Variants in RIOK3 observed in about 807,000 individuals in gnomAD.
The protein encoded by RIOK3 is serine/threonine-protein kinase RIO3.
Under a neutral mutation model 63.5 loss-of-function variants are expected in RIOK3, and 40 were observed. That is an observed-to-expected ratio of 0.63 (90% CI 0.49 to 0.82). The LOEUF (loss-of-function observed/expected upper bound fraction) is 0.82, where lower values mean the gene tolerates loss of function less well. Among genes scored for constraint, RIOK3 ranks in the 40% least tolerant of loss-of-function variants. RIOK3 has a pLI of 0.00. For missense variants in RIOK3, 557 were observed against 637.0 expected (o/e 0.87, Z 1.35); for synonymous variants, 193 against 205.0 (o/e 0.94, Z 0.50).
intron 1 of RIOK3, among the ~76,000 whole-genome samples, chr18:23,462,228 C>T (rs1437429502): frequency 6.9e-6 from 1 of 144,332 alleles, no homozygotes; most frequent in Non-Finnish European, 1.5e-5. Context: ...CAACCCTAAC[C>T]TCCCAGGTTC....
At chr18:23,472,345 CT>C (rs2057462098) in intron 7 of RIOK3, among the ~76,000 whole-genome samples, 1 of 152,110 alleles carries the variant, frequency 6.6e-6, no homozygotes, top group African/African-American at 2.4e-5. Flanking sequence ...AGGTGAAGGA[CT>C]TTAACCTTTT....
chr18:23,465,558 G>T (rs2057401143), intron 5 of RIOK3, among the ~76,000 whole-genome samples: 1 of 152,160 alleles, frequency 6.6e-6, no homozygotes, highest in East Asian at 1.9e-4. Context: ...CTGTGGTAAT[G>T]GAAATGTTCT....
intron 6 of RIOK3, 66 bp downstream of exon 6, chr18:23,466,342 A>G (rs2057407806): frequency 7.9e-7 from 1 of 1,268,112 alleles, no homozygotes; most frequent in South Asian, 1.6e-5. Context: ...AACTTTGGGT[A>G]AAGAAAAAAA....
At chr18:23,477,355 T>C in intron 11 of RIOK3, 87 bp downstream of exon 11, 2 of 1,011,714 alleles carry the variant, frequency 2.0e-6, no homozygotes, top group East Asian at 2.4e-5. Flanking sequence ...AAGAGGACCA[T>C]ATTCTTAGAA....
intron 9 of RIOK3, among the ~76,000 whole-genome samples, chr18:23,475,746 A>G (rs566745565): frequency 7.2e-5 from 11 of 152,318 alleles, no homozygotes; most frequent in Admixed American, 2.0e-4. Context: ...TTGTTTTTCT[A>G]TCAATATGTG....
At chr18:23,472,447 T>C (rs1230103419) in intron 7 of RIOK3, among the ~76,000 whole-genome samples, 1 of 152,166 alleles carries the variant, frequency 6.6e-6, no homozygotes, top group African/African-American at 2.4e-5. Context: ...AGTTCCTTTC[T>C]TTCCCAGATT....
rs1466149539 is a variant in RIOK3 at position 23,453,446 on chromosome 18, C to G, written c.7C>G (p.Leu3Val). The change falls in exon 1 of 13, where the codon CTG becomes GTG. Residue 3 changes from leucine to valine, a missense_variant. Physicochemically the swap from Leu to Val is conservative, Grantham distance 32. Around this residue, in one of 3 missense-constraint regions of RIOK3, gnomAD observed 243 missense variants for 275.4 expected, o/e 0.88. Transcript: ENST00000339486. Reference protein sequence around the residue: MDLVGVASPEPGT... With the variant: MDVVGVASPEPGT... Reference sequence around the variant, plus strand: ...TCTCTGCCTTCATTCCCGAATGGATCTGGTAGGAGTGGCATCGCCTGAGCC... The same window carrying G: ...TCTCTGCCTTCATTCCCGAATGGATGTGGTAGGAGTGGCATCGCCTGAGCC... 6.2e-7 allele frequency: 1 copy of G among 1,613,554 alleles called. No individual in the cohort carries two copies. The highest frequency in any genetic ancestry group is 8.5e-7 in the Non-Finnish European group (1 of 1,179,630).
In RIOK3 at chr18:23,456,792, A is replaced by G. The variant is rs180971110; in HGVS notation, c.63+3290A>G. On this transcript the variant is annotated intron_variant, in intron 1 of 12. Transcript: ENST00000339486. ...TATTAGAAGATATCTGGATTCTTCT[A>G]TCTTCTTTTTTTCATTCAACCTGTT... Among the ~76,000 whole-genome samples the G allele has an allele frequency of 2.0e-3, 301 of 152,350 alleles. 2 individuals are homozygous for G. Among genetic ancestry groups the G allele is most frequent in the Non-Finnish European group, 3.5e-3 (240 of 68,026 alleles).
rs1377842465 is a variant in RIOK3 at position 23,463,968 on chromosome 18, G to T, written c.181G>T (p.Val61Phe). 1 of 1,601,100 alleles carries T rather than the reference G, an allele frequency of 6.2e-7. No homozygotes were observed. The highest frequency in any genetic ancestry group is 1.3e-5 in the African/African-American group (1 of 74,284). Residue 61 changes from valine (V) to phenylalanine (F), a missense_variant and splice_region_variant, in exon 3 of 13, where the codon GTT (valine) becomes TTT (phenylalanine). By Grantham distance (50) the Val-to-Phe change is conservative. This residue lies in a region of RIOK3 where 243 missense variants were observed against 275.4 expected (regional missense o/e 0.88). Transcript: ENST00000339486. ...TTTATATTGCCTTATTTTGAATAGT[G>T]TTGCTGAAGGACCATTTATTACTGG... ...EEAAVFPEVA[V>F]AEGPFITGEN... is the part of the protein sequence containing the mutation.
chr18:23,464,310 C>A lies in RIOK3; in HGVS notation c.430C>A (p.Pro144Thr). The change falls in exon 4 of 13, where the codon CCA becomes ACA. Residue 144 changes from proline to threonine, a missense_variant. Physicochemically the swap from Pro to Thr is conservative, Grantham distance 38. This residue lies in a region of RIOK3 where 243 missense variants were observed against 275.4 expected (regional missense o/e 0.88). Coordinates refer to ENST00000339486, the MANE Select transcript of RIOK3 (RefSeq NM_003831.5). Reference protein sequence around the residue: ...WQDTRDDPYRPAKPVPTPKKG... With the variant: ...WQDTRDDPYRTAKPVPTPKKG... ...GGATACTCGTGATGATCCCTACAGA[C>A]CAGGTACCAAAGTTTTTACTTTCTG... The A allele has an allele frequency of 2.5e-6, 4 of 1,608,828 alleles. No homozygotes were observed. Among genetic ancestry groups the A allele is most frequent in the Non-Finnish European group, 2.5e-6 (3 of 1,176,624 alleles).
intron 2 of RIOK3, chr18:23,463,389 G>T: frequency 5.7e-6 from 1 of 176,446 alleles, no homozygotes; most frequent in Non-Finnish European, 1.2e-5. Flanking sequence ...CATTATGGAT[G>T]AATGAAACAT....
intron 7 of RIOK3, 120 bp from the exon 8 acceptor site, chr18:23,473,309 A>T: frequency 1.7e-6 from 1 of 602,842 alleles, no homozygotes; most frequent in East Asian, 3.0e-5. Context: ...GGCTTAAAAA[A>T]ACAAGACTTG....
intron 1 of RIOK3, among the ~76,000 whole-genome samples, chr18:23,462,082 T>G (rs1292170666): frequency 7.2e-6 from 1 of 139,724 alleles, no homozygotes; most frequent in Non-Finnish European, 1.5e-5. Context: ...CAGAGGAAAC[T>G]GTCTCCAAAA....
intron 12 of RIOK3, 144 bp downstream of exon 12, chr18:23,479,568 GT>G (rs2057517777): frequency 5.4e-6 from 3 of 551,990 alleles, no homozygotes; most frequent in East Asian, 3.0e-5. Context: ...GATGTTTTTG[GT>G]TTTTTCTTTT....
At chr18:23,478,610 T>C (rs1275730085) in intron 11 of RIOK3, among the ~76,000 whole-genome samples, 1 of 1,098 alleles carries the variant, frequency 9.1e-4, no homozygotes, top group African/African-American at 1.4e-3. Context: ...ACAAAACATA[T>C]ATATATATAT....
At chr18:23,464,349 A>G (rs2057392113) in intron 4 of RIOK3, 36 bp downstream of exon 4, 1 of 1,435,102 alleles carries the variant, frequency 7.0e-7, no homozygotes, top group African/African-American at 1.4e-5. Context: ...GCAGCAGAAT[A>G]GAGGTATAGG....
chr18:23,468,994 T>C (rs1024697751), intron 7 of RIOK3, among the ~76,000 whole-genome samples: 2 of 152,216 alleles, frequency 1.3e-5, no homozygotes, highest in Non-Finnish European at 1.5e-5. Context: ...TCTTGTTGGC[T>C]GTCAGCAGTG....
intron 6 of RIOK3, among the ~76,000 whole-genome samples, chr18:23,466,582 C>CG (rs758877494): frequency 8.0e-5 from 12 of 150,524 alleles, no homozygotes; most frequent in African/African-American, 1.5e-4. Flanking sequence ...CCCAGCTACC[C>CG]GGGGGGCTGA....
In RIOK3 at chr18:23,475,941, C is replaced by CTT. The variant is rs374984418; in HGVS notation, c.1173+855_1173+856dup. 5.7e-3 allele frequency among the ~76,000 whole-genome samples: 456 copies of CTT among 80,020 alleles called. 8 individuals carry two copies. Among genetic ancestry groups the CTT allele is most frequent in the African/African-American group, 0.017 (358 of 21,536 alleles). The allele number at this position is 80,020 out of a possible 152,430, so 52.5% of individuals were successfully genotyped here. A position where few individuals can be genotyped will look rare whatever the true frequency, so the allele number is the denominator to read the frequency against. ...TCATGAATGTTATAGTTTTTTGGGG[C>CTT]TTTTTTTTTTTTTTTTTTTTTTCAA... is the stretch of plus-strand genomic sequence containing the variant. On this transcript the variant is annotated intron_variant, in intron 9 of 12. Transcript: ENST00000339486.
Sources: allele counts gnomAD v4.1 joint callset (sites outside exome capture counted in the v4.1 genomes callset), GRCh38; gene constraint gnomAD v4.1.1; regional missense constraint gnomAD v4.1.1; transcripts MANE v1.5; gene names NCBI Gene and HGNC (gene_info 2026-07-23, HGNC 2026-07-21).